SOX6: variants seen among roughly 807,000 people sequenced by gnomAD.
SOX6 encodes SRY-box transcription factor 6, also known as transcription factor SOX-6.
A neutral mutation model predicts 97.8 loss-of-function variants in SOX6; 11 were observed. The ratio of observed to expected loss-of-function variants is 0.11; its 90% CI spans 0.07 to 0.19. SOX6 has a LOEUF of 0.19. Among genes scored for constraint, SOX6 ranks in the 10% least tolerant of loss-of-function variants. The pLI is 1.00. For missense variants in SOX6, 810 were observed against 1,039.5 expected (o/e 0.78, Z 3.04); for synonymous variants, 360 against 371.4 (o/e 0.97, Z 0.35).
rs532193088 is a variant in SOX6, at chr11:15,993,941, G to A, written c.1733-4711C>T. On this transcript the variant is annotated intron_variant, in intron 13 of 15. Coordinates refer to ENST00000683767, the MANE Select transcript of SOX6 (RefSeq NM_001367873.1). ...GGGATATCAGAGTGAATGAGTGAGT[G>A]CCTGGTGCACATATAAAGTTATTCC... 3.9e-5 allele frequency among the ~76,000 whole-genome samples: 6 copies of A among 152,238 alleles called. No individual in the cohort carries two copies. In the East Asian group the frequency reaches 9.7e-4, roughly 25 times the overall value.
rs1215153970 is a variant in SOX6, at chr11:15,972,920, A to G, written c.2376T>C (p.Asn792=). 5 of 1,614,176 alleles carry G rather than the reference A, an allele frequency of 3.1e-6. No individual in the cohort carries two copies. The South Asian group carries it at 5.5e-5, about 18-fold the overall frequency. Residue 792 remains asparagine (N), a synonymous_variant, in exon 16 of 16, where the codon AAT becomes AAC. Transcript: ENST00000683767. The stretch of plus-strand genomic sequence containing the variant: ...TTTCATCCTCTCCATTGATCATTTC[A>G]TTTCCAGCTAGGCTTCCGCCATCTG... ...MKTDGGSLAG[N]EMINGEDEME...
rs540044099 is a variant in SOX6 at position 16,613,231 on chromosome 11, G to C, written n.430-971C>G. On this transcript the variant is annotated intron_variant and non_coding_transcript_variant, in intron 3 of 5. Transcript: ENST00000524520. The surrounding 1 kb of genome is among the most constrained non-coding windows in gnomAD (Gnocchi z 4.6). ...GTCCCGGAGGTAAGATTGTGTGACT[G>C]CCTCACGTTTATTCTTTCACTGTCT... 68 of 152,348 alleles carry C rather than the reference G, an allele frequency of 4.5e-4. No individual in the cohort carries two copies. Among genetic ancestry groups the C allele is most frequent in the African/African-American group, 1.2e-3 (51 of 41,502 alleles). The allele number at this position is 152,348 out of a possible 1,614,324, so 9.4% of individuals were successfully genotyped here. A position where few individuals can be genotyped will look rare whatever the true frequency, so the allele number is the denominator to read the frequency against.
chr11:16,092,954 A>C (rs1043093974), intron 9 of SOX6, among the ~76,000 whole-genome samples: 3 of 151,896 alleles, frequency 2.0e-5, no homozygotes, highest in African/African-American at 7.2e-5. Context: ...TGACTGCCTC[A>C]TTATACTGGT....
chr11:16,717,952 T>C (rs1471241968), intron 2 of SOX6, among the ~76,000 whole-genome samples: 2 of 124,546 alleles, frequency 1.6e-5, no homozygotes, highest in African/African-American at 6.2e-5. Flanking sequence ...TTCCTGTTTT[T>C]CTTTTTTTTT....
intron 5 of SOX6, among the ~76,000 whole-genome samples, chr11:16,185,384 C>G (rs1389100031): frequency 6.6e-6 from 1 of 152,140 alleles, no homozygotes; most frequent in African/African-American, 2.4e-5. Flanking sequence ...CTTAGCAAAC[C>G]AGTGAAATGC....
Position 16,520,983 on chromosome 11 carries a change from G to A in SOX6, n.610-44595C>T, listed in dbSNP as rs967901670. Among the ~76,000 whole-genome samples the A allele has an allele frequency of 6.6e-5, 10 of 152,188 alleles. No individual in the cohort carries two copies. In the East Asian group the frequency reaches 1.5e-3, roughly 24 times the overall value. ...GGTAAACAAAGCAGCCGGGAAGCTC[G>A]AACTGGGTGGAGCCTACCACAGCTC... is the stretch of plus-strand genomic sequence containing the variant. On this transcript the variant is annotated intron_variant and non_coding_transcript_variant, in intron 4 of 5. Coordinates refer to the SOX6 transcript ENST00000524520.
chr11:16,673,134 A>C (rs888577664), intron 3 of SOX6, among the ~76,000 whole-genome samples: 1 of 152,172 alleles, frequency 6.6e-6, no homozygotes, highest in Non-Finnish European at 1.5e-5. Flanking sequence ...CTAAGAGGGA[A>C]GTTTATAGCT....
At chr11:16,569,504 A>G (rs541139315) in intron 4 of SOX6, among the ~76,000 whole-genome samples, 1 of 152,270 alleles carries the variant, frequency 6.6e-6, no homozygotes, top group African/African-American at 2.4e-5. Context: ...TATTTTAAAT[A>G]TAAGAATTAT....
At chr11:16,604,146 T>A (rs1204685296) in intron 4 of SOX6, among the ~76,000 whole-genome samples, 1 of 152,226 alleles carries the variant, frequency 6.6e-6, no homozygotes, top group East Asian at 1.9e-4. Flanking sequence ...CAGGGTTGCT[T>A]TTCCCACAGC....
chr11:16,304,703 A>C (rs1337219458), intron 3 of SOX6, among the ~76,000 whole-genome samples: 1 of 152,054 alleles, frequency 6.6e-6, no homozygotes, highest in Admixed American at 6.6e-5. Context: ...GACCTTGTTG[A>C]CTCATTAGTT....
At chr11:16,467,603 T>C (rs1488983962) in intron 1 of SOX6, among the ~76,000 whole-genome samples, 2 of 151,956 alleles carry the variant, frequency 1.3e-5, no homozygotes, top group African/African-American at 4.8e-5. Context: ...CATGGACACA[T>C]AGAGGGGAAC....
chr11:16,136,344 G>GTTTTTTTTGGT (rs1849961726), intron 6 of SOX6, among the ~76,000 whole-genome samples: 2 of 129,276 alleles, frequency 1.5e-5, no homozygotes, highest in South Asian at 5.1e-4. Flanking sequence ...TGTGTGTGTG[G>GTTTTTTTTGGT]TTTTTTTTTT....
intron 13 of SOX6, among the ~76,000 whole-genome samples, chr11:16,011,875 A>C (rs938350404): frequency 1.3e-5 from 2 of 152,060 alleles, no homozygotes; most frequent in African/African-American, 4.8e-5. Context: ...CCGGCTAAGG[A>C]GCTCTCACTC....
intron 2 of SOX6, among the ~76,000 whole-genome samples, chr11:16,735,059 T>A (rs1848381687): frequency 6.6e-6 from 1 of 152,194 alleles, no homozygotes; most frequent in African/African-American, 2.4e-5. Flanking sequence ...AAGAAGTTTT[T>A]GAGCAGTAGA....
At chr11:16,129,781 T>A (rs1170644263) in intron 6 of SOX6, among the ~76,000 whole-genome samples, 1 of 152,050 alleles carries the variant, frequency 6.6e-6, no homozygotes. Context: ...TTTCAGCAAA[T>A]TTAAATAGAA....
At position 16,278,913 on chromosome 11, in the gene SOX6, T is replaced by C. The variant is rs989578779; in HGVS notation, c.445+39533A>G. ...GTTGATCAAGCCTTCATTTTCCTAT[T>C]CTTGGATGTATAGGTTCAAATGGTA... is the stretch of plus-strand genomic sequence containing the variant. On this transcript the variant is annotated intron_variant, in intron 3 of 15. Transcript: ENST00000683767. Among the ~76,000 whole-genome samples the C allele has an allele frequency of 2.0e-5, 3 of 152,106 alleles. No individual in the cohort carries two copies. In the East Asian group the frequency reaches 5.8e-4, roughly 29 times the overall value.
At chr11:16,318,716 A>T in intron 2 of SOX6, 63 bp from the exon 3 acceptor site, 2 of 1,416,756 alleles carry the variant, frequency 1.4e-6, no homozygotes, top group Non-Finnish European at 2.0e-6. Flanking sequence ...TACTGGAGAA[A>T]AAAATCCCAA....
intron 4 of SOX6, among the ~76,000 whole-genome samples, chr11:16,504,496 CA>C (rs1015548320): frequency 1.3e-5 from 2 of 148,818 alleles, no homozygotes; most frequent in Non-Finnish European, 3.0e-5. Context: ...ACAATAGCTA[CA>C]AAAAAAAACT....
At chr11:16,355,761 T>A (rs151293278) in intron 1 of SOX6, among the ~76,000 whole-genome samples, 1 of 152,194 alleles carries the variant, frequency 6.6e-6, no homozygotes, top group African/African-American at 2.4e-5. Context: ...AGGGAATCTA[T>A]GATTCCTCAT....
Sources: gnomAD v4.1 joint callset for allele counts (sites outside exome capture counted in the v4.1 genomes callset) on GRCh38, gnomAD v4.1.1 for gene constraint, Gnocchi (gnomAD v3.1) non-coding constraint, MANE v1.5 for transcripts, NCBI Gene and HGNC (gene_info 2026-07-23, HGNC 2026-07-21) for gene names.